The following ARHGAP45 variants were observed in gnomAD, a reference collection of about 807,000 sequenced individuals.
ARHGAP45 encodes rho GTPase-activating protein 45.
A neutral mutation model predicts 116.1 loss-of-function variants in ARHGAP45; 56 were observed. That is an observed-to-expected ratio of 0.48 (90% confidence interval 0.39 to 0.60). The LOEUF is 0.60. ARHGAP45 is among the 20% of genes least tolerant of loss of function. The pLI is 0.00. For synonymous variants in ARHGAP45, 866 were observed against 701.7 expected (o/e 1.23, Z -3.70); for missense variants, 1,622 against 1,601.0 (o/e 1.01, Z -0.22).
intron 19 of ARHGAP45, among the ~76,000 whole-genome samples, chr19:1,082,181 C>G (rs1417760124): frequency 7.2e-6 from 1 of 138,298 alleles, no homozygotes; most frequent in African/African-American, 2.8e-5. Flanking sequence ...CAGTTCTGCG[C>G]CGAGGCACGG....
In ARHGAP45 at chr19:1,079,628, G is replaced by A. The variant is rs1236220971; in HGVS notation, c.1375-75G>A. 2.1e-5 allele frequency: 32 copies of A among 1,540,474 alleles called. 1 individual carries two copies. In the Admixed American group the frequency reaches 6.3e-4, roughly 30 times the overall value. ...CGCTGGGATGACAGGCGTCAGCCCC[G>A]CCTCCCTGAGGTTTCTGTCTGAGTC... On this transcript the variant is annotated intron_variant, in intron 11 of 22. Transcript: ENST00000313093.
rs996370302 is a variant in ARHGAP45, at chr19:1,071,416, G to A, written c.422-1733G>A. The A allele has an allele frequency of 4.3e-5, 48 of 1,113,896 alleles. No individual in the cohort carries two copies. Among genetic ancestry groups the A allele is most frequent in the Middle Eastern group, 3.9e-4 (1 of 2,590 alleles). 69.0% of individuals were successfully genotyped at this position (1,113,896 alleles called of 1,614,324 possible). On this transcript the variant is annotated intron_variant, in intron 2 of 22. Transcript: ENST00000313093. This position sits in a 1 kb window ranked among gnomAD's most constrained non-coding sequence, Gnocchi z 4.6. Reference sequence around the variant, plus strand: ...CCGCGTCCGGGAGCACGTGGCGCTCGGGCCGTTTGCCGCCCGCGGTGGGGG... The same window carrying A: ...CCGCGTCCGGGAGCACGTGGCGCTCAGGCCGTTTGCCGCCCGCGGTGGGGG...
Position 1,082,837 on chromosome 19 carries a change from C to G in ARHGAP45, c.2518-3C>G, listed in dbSNP as rs769088677. On this transcript the variant is annotated splice_polypyrimidine_tract_variant and splice_region_variant and intron_variant, in intron 19 of 22. Coordinates refer to ENST00000313093, the MANE Select transcript of ARHGAP45 (RefSeq NM_012292.5). ...ACACCTGCTGACCCTTGACTCTGCGCAGCTTCCCGAGCCGCTCATCTCCTT... is the reference window on the plus strand; with the variant it reads ...ACACCTGCTGACCCTTGACTCTGCGGAGCTTCCCGAGCCGCTCATCTCCTT... 2.0e-6 allele frequency: 3 copies of G among 1,491,060 alleles called. No homozygotes were observed. The highest frequency in any genetic ancestry group is 2.4e-5 in the Admixed American group (1 of 41,058). The allele number at this position is 1,491,060 out of a possible 1,614,324, so 92.4% of individuals were successfully genotyped here.
chr19:1,066,523 A>G (rs1381673178), upstream of ARHGAP45: 1 of 267,530 alleles, frequency 3.7e-6, no homozygotes, highest in Admixed American at 4.9e-5. Context: ...AGGTGTCCTC[A>G]GCATATTCTG....
chr19:1,083,579 C>T (rs2145089092), intron 21 of ARHGAP45, among the ~76,000 whole-genome samples: 1 of 152,290 alleles, frequency 6.6e-6, no homozygotes, highest in Admixed American at 6.5e-5. Context: ...GCCGCCCCTC[C>T]ACTCTCCCTT....
Position 1,074,890 on chromosome 19 carries a change from CGGGCGGGGGCGGGCGG to C in ARHGAP45, c.1185+19_1185+34del. ...GCCCAGAGGAAGCTGGTGAGGCGGGCGGGCGGGGGCGGGCGGGGGCGGGCAGCGGGCCTCGGCGCAG... is the reference window on the plus strand; with the variant it reads ...GCCCAGAGGAAGCTGGTGAGGCGGGCGGGCGGGCAGCGGGCCTCGGCGCAG... On this transcript the variant is annotated intron_variant, in intron 10 of 22. Transcript: ENST00000313093. 1 of 53,456 alleles carries C rather than the reference CGGGCGGGGGCGGGCGG, an allele frequency of 1.9e-5. No homozygotes were observed. The highest frequency in any genetic ancestry group is 4.6e-5 in the Non-Finnish European group (1 of 21,698). The allele number at this position is 53,456 out of a possible 1,614,324, so 3.3% of individuals were successfully genotyped here.
chr19:1,079,860 C>A lies in ARHGAP45; in HGVS notation c.1512+20C>A, dbSNP rs201891107. ...AAGTCGGTGCGTGGGGTGCTCCGGC[C>A]GCCCGGGCGGGGATGGTGGACCGGG... On this transcript the variant is annotated intron_variant, in intron 12 of 22. Coordinates refer to ENST00000313093, the MANE Select transcript of ARHGAP45 (RefSeq NM_012292.5). The A allele has an allele frequency of 5.0e-4, 795 of 1,594,764 alleles. 3 individuals are homozygous for A. The highest frequency in any genetic ancestry group is 8.6e-4 in the East Asian group (38 of 44,434).
Position 1,081,746 on chromosome 19 carries a change from G to A in ARHGAP45, c.2379+8G>A, listed in dbSNP as rs1355024096. 1.7e-5 allele frequency: 26 copies of A among 1,559,704 alleles called. No individual in the cohort carries two copies. Among genetic ancestry groups the A allele is most frequent in the Non-Finnish European group, 2.2e-5 (25 of 1,151,192 alleles). On this transcript the variant is annotated splice_region_variant and intron_variant, in intron 18 of 22. Transcript: ENST00000313093. ...CGGGCGCTGCGCACCAAGGTGAGGCGGGGGAGGAAGCGGCTCACAGCGAGG... is the reference window on the plus strand; with the variant it reads ...CGGGCGCTGCGCACCAAGGTGAGGCAGGGGAGGAAGCGGCTCACAGCGAGG...
rs2043096905 is a variant in ARHGAP45, at chr19:1,069,361, C to T, written c.421+617C>T. ...CTGCTTCCTGCCGAGTTATTTTCAT[C>T]TGCTTCCTGTTTGTCCCTGGCAGCC... On this transcript the variant is annotated intron_variant, in intron 2 of 22. Transcript: ENST00000313093. The surrounding 1 kb of genome is among the most constrained non-coding windows in gnomAD (Gnocchi z 4.1). Among the ~76,000 whole-genome samples, 1 of 152,236 alleles carries T rather than the reference C, an allele frequency of 6.6e-6. No homozygotes were observed. Among genetic ancestry groups the T allele is most frequent in the East Asian group, 1.9e-4 (1 of 5,196 alleles).
chr19:1,071,262 C>G lies in ARHGAP45; in HGVS notation c.422-1887C>G. 1 of 1,480,756 alleles carries G rather than the reference C, an allele frequency of 6.8e-7. No homozygotes were observed. The highest frequency in any genetic ancestry group is 8.9e-7 in the Non-Finnish European group (1 of 1,120,202). 91.7% of individuals were successfully genotyped at this position (1,480,756 alleles called of 1,614,324 possible). On this transcript the variant is annotated intron_variant, in intron 2 of 22. Coordinates refer to ENST00000313093, the MANE Select transcript of ARHGAP45 (RefSeq NM_012292.5). This position sits in a 1 kb window ranked among gnomAD's most constrained non-coding sequence, Gnocchi z 4.6. ...TCAGCTGCCAGGCCCCACGCGCTCGCGGTCTCCGCGCCCCGACGGCTGCGC... is the reference window on the plus strand; with the variant it reads ...TCAGCTGCCAGGCCCCACGCGCTCGGGGTCTCCGCGCCCCGACGGCTGCGC...
At chr19:1,078,674 G>A (rs1372104767) in intron 11 of ARHGAP45, among the ~76,000 whole-genome samples, 2 of 151,046 alleles carry the variant, frequency 1.3e-5, no homozygotes, top group Non-Finnish European at 3.0e-5. Context: ...CTCCCAAAGT[G>A]CTGGGATTAC....
intron 19 of ARHGAP45, among the ~76,000 whole-genome samples, chr19:1,082,365 G>C (rs1445483483): frequency 6.6e-6 from 1 of 151,504 alleles, no homozygotes; most frequent in Non-Finnish European, 1.5e-5. Context: ...GAGGCTAGGG[G>C]CGGGGCTGAG....
At chr19:1,081,268 G>A in intron 17 of ARHGAP45, 1 of 662,752 alleles carries the variant, frequency 1.5e-6, no homozygotes, top group Non-Finnish European at 2.5e-6. Context: ...CGAGGCAGGG[G>A]GCAGACCTGG....
chr19:1,084,843 T>G (rs111389201), intron 22 of ARHGAP45, among the ~76,000 whole-genome samples: 212 of 152,194 alleles, frequency 1.4e-3, no homozygotes, highest in African/African-American at 4.7e-3. Context: ...CCTCGCACTT[T>G]GGGAGGACAA....
chr19:1,085,998 T>C lies in ARHGAP45; in HGVS notation c.3403T>C (p.Phe1135Leu), dbSNP rs745716504. 2 of 1,611,754 alleles carry C rather than the reference T, an allele frequency of 1.2e-6. No individual in the cohort carries two copies. The highest frequency in any genetic ancestry group is 2.2e-5 in the East Asian group (1 of 44,842). Residue 1135 changes from phenylalanine (F) to leucine (L), a missense_variant, in exon 23 of 23, where the codon TTC (phenylalanine) becomes CTC (leucine). This residue lies in a region of ARHGAP45 where 1,334 missense variants were observed against 1,263.8 expected (regional missense o/e 1.06). Transcript: ENST00000313093. ...LGSCRERQPE[F>L]V ...CTCCTGCAGGGAAAGGCAGCCGGAA[T>C]TCGTGTGAGCTGGGGTGGGGCTGGG...
In ARHGAP45 at chr19:1,083,410, C is replaced by T. The variant is rs1222368502; in HGVS notation, c.2955+57C>T. The T allele has an allele frequency of 1.8e-5, 26 of 1,423,182 alleles. No individual in the cohort carries two copies. The East Asian group carries it at 2.5e-4, about 14-fold the overall frequency. 88.2% of individuals were successfully genotyped at this position (1,423,182 alleles called of 1,614,324 possible). ...CTCGGGGCTTGGGGAGCAGGGGGCG[C>T]TGCTGGGGACAGTCGTTGTCGGATG... is the stretch of plus-strand genomic sequence containing the variant. On this transcript the variant is annotated intron_variant, in intron 21 of 22. Transcript: ENST00000313093.
rs762879433 is a variant in ARHGAP45, at chr19:1,080,533, C to A, written c.1898C>A (p.Pro633His). 3 of 1,612,902 alleles carry A rather than the reference C, an allele frequency of 1.9e-6. No individual in the cohort carries two copies. The highest frequency in any genetic ancestry group is 4.5e-5 in the East Asian group (2 of 44,882). ...SISDSDSGLD[P>H]GPGAGDFKKF... ...TCAGACTCGGACAGTGGGCTGGACC[C>A]CGGCCCTGGCGCAGGTGAGGGAGGC... Residue 633 changes from proline (P) to histidine (H), a missense_variant, in exon 15 of 23, where the codon CCC becomes CAC. Physicochemically the swap from Pro to His is moderately conservative, Grantham distance 77 (BLOSUM62 -2). Around this residue, in one of 3 missense-constraint regions of ARHGAP45, gnomAD observed 1,334 missense variants for 1,263.8 expected, o/e 1.06. Transcript: ENST00000313093.
At chr19:1,081,471 G>C in intron 17 of ARHGAP45, 79 bp from the exon 18 acceptor site, 1 of 1,354,760 alleles carries the variant, frequency 7.4e-7, no homozygotes, top group Non-Finnish European at 9.8e-7. Context: ...AGCGCCCCGG[G>C]GAGGTGGGGT....
At position 1,076,481 on chromosome 19, in the gene ARHGAP45, G is replaced by GTTTTTTTTTTTTTTTTTTTTT. The variant is rs1568464614; in HGVS notation, c.1186-1375_1186-1374insTTTTTTTTTTTTTTTTTTTTT. On this transcript the variant is annotated intron_variant, in intron 10 of 22. Coordinates refer to ENST00000313093, the MANE Select transcript of ARHGAP45 (RefSeq NM_012292.5). ...TAGAAACCTGTGATTGTTGGCAGTA[G>GTTTTTTTTTTTTTTTTTTTTT]TCTTTTTTTTTTTTTTTTTTTTTTT... Among the ~76,000 whole-genome samples, 18 of 104,174 alleles carry GTTTTTTTTTTTTTTTTTTTTT rather than the reference G, an allele frequency of 1.7e-4. 2 individuals are homozygous for GTTTTTTTTTTTTTTTTTTTTT. The highest frequency in any genetic ancestry group is 6.7e-4 in the African/African-American group (17 of 25,346). The allele number at this position is 104,174 out of a possible 152,430, so 68.3% of individuals were successfully genotyped here.
Sources: allele counts gnomAD v4.1 joint callset (sites outside exome capture counted in the v4.1 genomes callset), GRCh38; gene constraint gnomAD v4.1.1; regional missense constraint gnomAD v4.1.1; non-coding constraint Gnocchi (gnomAD v3.1); transcripts MANE v1.5; gene names NCBI Gene and HGNC (gene_info 2026-07-23, HGNC 2026-07-21).